Variants in LY86 observed in about 807,000 individuals in gnomAD.
LY86 encodes the protein lymphocyte antigen 86.
A neutral mutation model predicts 17.3 loss-of-function variants in LY86; 20 were observed. That is an observed-to-expected ratio of 1.15 (90% CI 0.81 to 1.68). The LOEUF (loss-of-function observed/expected upper bound fraction) is 1.68, where lower values mean the gene tolerates loss of function less well. Ranked by LOEUF, LY86 falls within the 40% of genes most tolerant of loss-of-function variation. The pLI is 0.00. For synonymous variants in LY86, 74 were observed against 70.6 expected (o/e 1.05, Z -0.24); for missense variants, 200 against 191.9 (o/e 1.04, Z -0.25).
At chr6:6,593,274 C>CA (rs1246977017) in intron 1 of LY86, among the ~76,000 whole-genome samples, 1 of 152,240 alleles carries the variant, frequency 6.6e-6, no homozygotes, top group Non-Finnish European at 1.5e-5. Flanking sequence ...GACAGTGTAG[C>CA]ATCTTGCTTC....
intron 1 of LY86, among the ~76,000 whole-genome samples, chr6:6,606,510 C>T (rs1977088): frequency 0.091 from 13,903 of 152,230 alleles, 2,118 homozygotes; most frequent in African/African-American, 0.32. Flanking sequence ...GACCGGGGCG[C>T]CGTGTAGCAG....
At chr6:6,610,639 T>A (rs546713094) in intron 1 of LY86, among the ~76,000 whole-genome samples, 1 of 152,194 alleles carries the variant, frequency 6.6e-6, no homozygotes, top group South Asian at 2.1e-4. Flanking sequence ...CAGTCTGCCC[T>A]AAAATGGTCA....
At chr6:6,636,734 T>C (rs1159680763) in intron 3 of LY86, among the ~76,000 whole-genome samples, 2 of 152,232 alleles carry the variant, frequency 1.3e-5, no homozygotes, top group African/African-American at 4.8e-5. Flanking sequence ...TCCCCTTCAT[T>C]CCTTTCTTCC....
rs186975478 is a variant in LY86 at position 6,646,215 on chromosome 6, T to G, written c.353-3410T>G. Among the ~76,000 whole-genome samples, 55 of 152,234 alleles carry G rather than the reference T, an allele frequency of 3.6e-4. No homozygotes were observed. In the East Asian group the frequency reaches 0.01, roughly 28 times the overall value. On this transcript the variant is annotated intron_variant, in intron 3 of 4. Transcript: ENST00000230568. The stretch of plus-strand genomic sequence containing the variant: ...CCACATATTAGTTACAGTGCCTACA[T>G]GTACTGCTCAGACAGGTTAAGTAAC...
chr6:6,637,916 C>T (rs1027636431), intron 3 of LY86, among the ~76,000 whole-genome samples: 1 of 152,122 alleles, frequency 6.6e-6, no homozygotes, highest in Non-Finnish European at 1.5e-5. Flanking sequence ...AGTATTTGTC[C>T]ACAAAATTTA....
intron 1 of LY86, among the ~76,000 whole-genome samples, chr6:6,597,364 G>A (rs573684111): frequency 6.6e-5 from 10 of 152,302 alleles, no homozygotes; most frequent in Non-Finnish European, 1.0e-4. Flanking sequence ...GCAGTCAGAA[G>A]GCACAGAACG....
At chr6:6,625,739 C>T (rs1221066955) in intron 2 of LY86, among the ~76,000 whole-genome samples, 1 of 152,092 alleles carries the variant, frequency 6.6e-6, no homozygotes, top group Non-Finnish European at 1.5e-5. Flanking sequence ...TGGACTCTAG[C>T]AGCAGCTGGA....
At chr6:6,648,740 TATTGTC>T (rs1404808879) in intron 3 of LY86, among the ~76,000 whole-genome samples, 1 of 151,614 alleles carries the variant, frequency 6.6e-6, no homozygotes, top group African/African-American at 2.4e-5. Flanking sequence ...TAGTTACTGT[TATTGTC>T]ATTATCTTAC....
chr6:6,595,274 A>G (rs1371289038), intron 1 of LY86, among the ~76,000 whole-genome samples: 1 of 146,242 alleles, frequency 6.8e-6, no homozygotes, highest in Non-Finnish European at 1.5e-5. Context: ...GAGGAGGAGG[A>G]TGAGGAAGAG....
intron 1 of LY86, among the ~76,000 whole-genome samples, chr6:6,595,543 T>C: frequency 7.3e-6 from 1 of 136,966 alleles, no homozygotes; most frequent in Admixed American, 7.2e-5. Context: ...CCCCATCCTC[T>C]CTACGCACAT....
At chr6:6,649,207 C>G (rs992187757) in intron 3 of LY86, among the ~76,000 whole-genome samples, 1 of 152,202 alleles carries the variant, frequency 6.6e-6, no homozygotes, top group Non-Finnish European at 1.5e-5. Flanking sequence ...TCTCATGCGA[C>G]TTATTCACTA....
chr6:6,646,540 G>A (rs1762110854), intron 3 of LY86, among the ~76,000 whole-genome samples: 1 of 152,050 alleles, frequency 6.6e-6, no homozygotes, highest in South Asian at 2.1e-4. Context: ...ATATCTTACA[G>A]CCTGTAAAAA....
chr6:6,623,918 G>A (rs138398549), intron 1 of LY86, among the ~76,000 whole-genome samples: 1 of 152,334 alleles, frequency 6.6e-6, no homozygotes, highest in Admixed American at 6.5e-5. Flanking sequence ...AAGCCACGTA[G>A]CAAAGTGCAG....
At chr6:6,607,393 ATTTTTAAGATTT>A (rs1215717885) in intron 1 of LY86, among the ~76,000 whole-genome samples, 1 of 152,216 alleles carries the variant, frequency 6.6e-6, no homozygotes, top group Admixed American at 6.5e-5. Flanking sequence ...AGAGAAGTTT[ATTTTTAAGATTT>A]ATTAAGATAT....
chr6:6,607,983 A>G (rs1761235303), intron 1 of LY86, among the ~76,000 whole-genome samples: 1 of 152,248 alleles, frequency 6.6e-6, no homozygotes, highest in Non-Finnish European at 1.5e-5. Flanking sequence ...AAACAAAAAA[A>G]TGACAAATTG....
chr6:6,620,687 C>T (rs1199176170), intron 1 of LY86, among the ~76,000 whole-genome samples: 2 of 152,240 alleles, frequency 1.3e-5, no homozygotes, highest in East Asian at 3.8e-4. Flanking sequence ...AGGTTGTCCT[C>T]CCCTCGACAG....
rs140754165 is a variant in LY86, at chr6:6,613,665, C to T, written c.137-11261C>T. On this transcript the variant is annotated intron_variant, in intron 1 of 4. Transcript: ENST00000230568. ...CCCCGCAAGCTGAGGGAGCCGGCTC[C>T]GGCCTTGGCCAGCCCAGAAAGGGGT... Among the ~76,000 whole-genome samples the T allele has an allele frequency of 5.7e-3, 862 of 152,352 alleles. 3 individuals are homozygous for T. Among genetic ancestry groups the T allele is most frequent in the African/African-American group, 0.017 (724 of 41,576 alleles).
intron 3 of LY86, among the ~76,000 whole-genome samples, chr6:6,632,495 G>T (rs1206327203): frequency 2.6e-5 from 4 of 152,170 alleles, no homozygotes; most frequent in Admixed American, 2.6e-4. Flanking sequence ...TGAGGCAGAG[G>T]GTTGGAGCAT....
chr6:6,612,076 G>A (rs1761362780), intron 1 of LY86, among the ~76,000 whole-genome samples: 4 of 152,108 alleles, frequency 2.6e-5, no homozygotes, highest in South Asian at 2.1e-4. Context: ...CAATGTATTA[G>A]CAAGATTTGA....
Sources: gnomAD v4.1 joint callset for allele counts (sites outside exome capture counted in the v4.1 genomes callset) on GRCh38, gnomAD v4.1.1 for gene constraint, MANE v1.5 for transcripts, NCBI Gene and HGNC (gene_info 2026-07-23, HGNC 2026-07-21) for gene names.